The following HACL1 variants were observed in gnomAD, a reference collection of about 807,000 sequenced individuals.
HACL1 encodes the protein 2-hydroxyacyl-CoA lyase 1.
A neutral mutation model predicts 74.2 loss-of-function variants in HACL1; 64 were observed. That is an observed-to-expected ratio of 0.86 (90% confidence interval 0.70 to 1.06). The LOEUF (loss-of-function observed/expected upper bound fraction) is 1.06, where lower values mean the gene tolerates loss of function less well. Ranked by LOEUF, HACL1 falls within the 50% of genes least tolerant of loss-of-function variation. The probability of loss-of-function intolerance (pLI) is 0.00; values close to 1 mark genes in which losing one functional copy is unlikely to be tolerated. For missense variants in HACL1, 728 were observed against 719.7 expected, an observed-to-expected ratio of 1.01 and a Z score of -0.13; for synonymous variants, 230 against 238.8, an observed-to-expected ratio of 0.96 and a Z score of 0.34.
chr3:15,585,270 GA>G lies in HACL1; in HGVS notation c.531del (p.Gln178ArgfsTer2). 1 of 1,580,926 alleles carries G rather than the reference GA, an allele frequency of 6.3e-7. No individual in the cohort carries two copies. Among genetic ancestry groups the G allele is most frequent in the Non-Finnish European group, 8.7e-7 (1 of 1,149,788 alleles). ...YVDIPADFVN[L>X]QVNVNSIKYM... ...CACTTTATAGAATTCACATTCACCT[GA>G]AGGTTCACAAAATCTGCTGGTATGT... On this transcript the variant is annotated frameshift_variant, in exon 7 of 17. Coordinates refer to ENST00000321169, the MANE Select transcript of HACL1 (RefSeq NM_012260.4). LOFTEE classifies it high-confidence loss of function.
At chr3:15,575,418 C>T (rs552737818) in intron 9 of HACL1, among the ~76,000 whole-genome samples, 2 of 152,194 alleles carry the variant, frequency 1.3e-5, no homozygotes, top group East Asian at 3.9e-4. Flanking sequence ...ACAAAATCAC[C>T]CCATAATACT....
intron 16 of HACL1, 126 bp from the exon 17 acceptor site, chr3:15,561,023 G>A: frequency 4.1e-6 from 3 of 733,410 alleles, no homozygotes; most frequent in Non-Finnish European, 7.0e-6. Context: ...GTTTGTCTTT[G>A]TTCTGGTGCT....
chr3:15,571,884 G>A (rs1342335124), intron 11 of HACL1, 115 bp from the exon 12 acceptor site: 57 of 529,922 alleles, frequency 1.1e-4, no homozygotes, highest in Non-Finnish European at 1.5e-4. Context: ...CTGTCACCCA[G>A]GCTGGAGTGC....
At position 15,580,034 on chromosome 3, in the gene HACL1, C is replaced by T. The variant is rs746766596; in HGVS notation, c.679G>A (p.Ala227Thr). 1.6e-5 allele frequency: 26 copies of T among 1,611,642 alleles called. No homozygotes were observed. The highest frequency in any genetic ancestry group is 7.7e-5 in the South Asian group (7 of 90,932). ...TTCTTGATACTCTCTTCTGCATGAG[C>T]GTAAGCAGCACCTATAAGAAATGCA... is the stretch of plus-strand genomic sequence containing the variant. ...LLIIGKGAAY[A>T]HAEESIKKLV... is the part of the protein sequence containing the mutation. Residue 227 changes from alanine (A) to threonine (T), a missense_variant, in exon 9 of 17, where the codon GCT becomes ACT. Coordinates refer to ENST00000321169, the MANE Select transcript of HACL1 (RefSeq NM_012260.4).
intron 14 of HACL1, among the ~76,000 whole-genome samples, chr3:15,566,538 C>T (rs913483360): frequency 1.3e-5 from 2 of 152,104 alleles, no homozygotes; most frequent in Non-Finnish European, 2.9e-5. Flanking sequence ...TGCCTGTGAT[C>T]CCAGCTACTC....
chr3:15,585,477 G>A, intron 6 of HACL1, 135 bp from the exon 7 acceptor site: 3 of 585,374 alleles, frequency 5.1e-6, no homozygotes, highest in African/African-American at 1.9e-5. Context: ...AAATAATTAT[G>A]ATGAAAATCG....
At chr3:15,594,784 T>C (rs1482737656) in intron 3 of HACL1, among the ~76,000 whole-genome samples, 1 of 152,262 alleles carries the variant, frequency 6.6e-6, no homozygotes, top group East Asian at 1.9e-4. Context: ...GTGGCTACTA[T>C]ACTTGCCAGT....
intron 3 of HACL1, among the ~76,000 whole-genome samples, chr3:15,592,025 C>CTATA (rs1235499712): frequency 7.2e-6 from 1 of 138,296 alleles, no homozygotes; most frequent in Non-Finnish European, 1.5e-5. Flanking sequence ...TATACACACA[C>CTATA]TACATACGTA....
In HACL1 at chr3:15,575,696, T is replaced by C. The variant is rs549565979; in HGVS notation, c.804-614A>G. Among the ~76,000 whole-genome samples the C allele has an allele frequency of 6.4e-4, 98 of 152,230 alleles. No homozygotes were observed. The South Asian group carries it at 0.013, about 20-fold the overall frequency. ...AGTTGGGACTACAGGCACGTGCCAC[T>C]GCACCTGACTAATTTTTAATTTTTT... is the stretch of plus-strand genomic sequence containing the variant. On this transcript the variant is annotated intron_variant, in intron 9 of 16. Transcript: ENST00000321169.
At chr3:15,589,514 A>C in intron 5 of HACL1, 26 bp downstream of exon 5, 1 of 1,513,274 alleles carries the variant, frequency 6.6e-7, no homozygotes, top group Non-Finnish European at 9.1e-7. Context: ...AAAAATAAAA[A>C]AAACCAAAAT....
chr3:15,564,780 A>G, intron 14 of HACL1, 122 bp from the exon 15 acceptor site: 3 of 547,782 alleles, frequency 5.5e-6, no homozygotes, highest in Non-Finnish European at 9.7e-6. Context: ...TTATTAGAGG[A>G]AGACTAAAAA....
At chr3:15,584,659 G>C (rs2063764662) in intron 7 of HACL1, among the ~76,000 whole-genome samples, 1 of 152,098 alleles carries the variant, frequency 6.6e-6, no homozygotes, top group African/African-American at 2.4e-5. Flanking sequence ...GTAGTCACTA[G>C]AGAACCATTT....
At chr3:15,585,207 A>G (rs570384586) in intron 7 of HACL1, 41 bp downstream of exon 7, 2 of 939,764 alleles carry the variant, frequency 2.1e-6, no homozygotes, top group Non-Finnish European at 3.5e-6. Context: ...ATGATAATAC[A>G]TGTACATTGA....
chr3:15,594,470 G>A (rs928745919), intron 3 of HACL1, among the ~76,000 whole-genome samples: 11 of 151,978 alleles, frequency 7.2e-5, no homozygotes, highest in African/African-American at 2.4e-4. Flanking sequence ...AACCACTCGG[G>A]AAAAAGGTAT....
chr3:15,591,839 CA>C (rs1289914092), intron 3 of HACL1, among the ~76,000 whole-genome samples, 159 bp from the exon 4 acceptor site: 1 of 150,886 alleles, frequency 6.6e-6, no homozygotes, highest in Non-Finnish European at 1.5e-5. Context: ...AATTAAAAAA[CA>C]AGGCGATATA....
rs767946150 is a variant in HACL1 at position 15,572,795 on chromosome 3, T to A, written c.993+364A>T. On this transcript the variant is annotated intron_variant, in intron 11 of 16. Coordinates refer to ENST00000321169, the MANE Select transcript of HACL1 (RefSeq NM_012260.4). ...AAGAAATACTTTTAGATTTTTCCAG[T>A]GCTAAGCCATTCTTGCCACTTCTTG... 1.1e-3 allele frequency among the ~76,000 whole-genome samples: 168 copies of A among 152,368 alleles called. 1 individual carries two copies. The highest frequency in any genetic ancestry group is 0.01 in the Middle Eastern group (3 of 294).
intron 14 of HACL1, 21 bp downstream of exon 14, chr3:15,567,823 T>C (rs1391776266): frequency 2.5e-6 from 4 of 1,604,964 alleles, no homozygotes; most frequent in Non-Finnish European, 3.4e-6. Context: ...TCAAATGCTC[T>C]GATTCAGGAT....
At chr3:15,585,060 A>G (rs2063770929) in intron 7 of HACL1, among the ~76,000 whole-genome samples, 188 bp downstream of exon 7, 1 of 152,252 alleles carries the variant, frequency 6.6e-6, no homozygotes, top group Non-Finnish European at 1.5e-5. Flanking sequence ...AAATCCATAA[A>G]TAACTACTAA....
chr3:15,567,974 C>G lies in HACL1; in HGVS notation c.1279G>C (p.Gly427Arg), dbSNP rs1176674461. The change falls in exon 14 of 17, where the codon GGA (glycine) becomes CGA (arginine). Residue 427 changes from glycine (G) to arginine (R), a missense_variant. Physicochemically the swap from Gly to Arg is moderately radical, Grantham distance 125. Transcript: ENST00000321169. The stretch of plus-strand genomic sequence containing the variant: ...GCAATAGCAAATCCCAAACCAACTC[C>G]CATTGTTCCGAAAGTACCAGCATCA... Reference protein sequence around the residue: ...RLDAGTFGTMGVGLGFAIAAA... With the variant: ...RLDAGTFGTMRVGLGFAIAAA... 6.2e-7 allele frequency: 1 copy of G among 1,614,044 alleles called. No individual in the cohort carries two copies. The highest frequency in any genetic ancestry group is 2.2e-5 in the East Asian group (1 of 44,896).
Sources: allele counts gnomAD v4.1 joint callset (sites outside exome capture counted in the v4.1 genomes callset), GRCh38; gene constraint gnomAD v4.1.1; transcripts MANE v1.5; gene names NCBI Gene and HGNC (gene_info 2026-07-23, HGNC 2026-07-21).